Variants in CNTLN observed in about 807,000 individuals in gnomAD.
The protein encoded by CNTLN is centlein.
Under a neutral mutation model 180.0 loss-of-function variants are expected in CNTLN, and 212 were observed. The ratio of observed to expected loss-of-function variants is 1.18; its 90% CI spans 1.05 to 1.32. The LOEUF is 1.32. Among genes scored for constraint, CNTLN ranks in the 40% most tolerant of loss-of-function variants. CNTLN has a pLI of 0.00. For synonymous variants in CNTLN, 722 were observed against 563.1 expected (o/e 1.28, Z -3.99); for missense variants, 2,095 against 1,610.9 (o/e 1.30, Z -5.14).
At chr9:17,378,827 A>T (rs535762711) in intron 13 of CNTLN, among the ~76,000 whole-genome samples, 1 of 152,294 alleles carries the variant, frequency 6.6e-6, no homozygotes, top group East Asian at 1.9e-4. Context: ...GGTAGTTCTC[A>T]GTGTTTTTTG....
chr9:17,202,915 A>T (rs1443412849), intron 2 of CNTLN, among the ~76,000 whole-genome samples: 3 of 152,052 alleles, frequency 2.0e-5, no homozygotes, highest in Non-Finnish European at 4.4e-5. Context: ...TAGGTGATGC[A>T]GTTTCTTCAT....
Position 17,324,004 on chromosome 9 carries a change from T to A in CNTLN, c.1342-6628T>A, listed in dbSNP as rs190299196. Among the ~76,000 whole-genome samples, 10 of 152,340 alleles carry A rather than the reference T, an allele frequency of 6.6e-5. No individual in the cohort carries two copies. The East Asian group carries it at 7.7e-4, about 12-fold the overall frequency. On this transcript the variant is annotated intron_variant, in intron 8 of 25. Coordinates refer to ENST00000380647, the MANE Select transcript of CNTLN (RefSeq NM_017738.4). The stretch of plus-strand genomic sequence containing the variant: ...TTGTCAGTTTTTAATAATTACAGGC[T>A]ATTATGGAATGCATAGTTAGCAGAT...
intron 10 of CNTLN, among the ~76,000 whole-genome samples, chr9:17,337,919 CA>C (rs1400567608): frequency 6.6e-6 from 1 of 152,046 alleles, no homozygotes; most frequent in Admixed American, 6.6e-5. Context: ...AGTCATTCCC[CA>C]AACAGTTTAT....
At chr9:17,346,107 C>T (rs918953690) in intron 12 of CNTLN, among the ~76,000 whole-genome samples, 1 of 152,048 alleles carries the variant, frequency 6.6e-6, no homozygotes, top group Non-Finnish European at 1.5e-5. Flanking sequence ...GCTGGGGAGG[C>T]CTCAGGAAAC....
At chr9:17,332,549 T>C in intron 9 of CNTLN, 56 bp from the exon 10 acceptor site, 5 of 1,514,944 alleles carry the variant, frequency 3.3e-6, no homozygotes, top group Non-Finnish European at 4.4e-6. Flanking sequence ...ATTTTGCATG[T>C]CTTTCATAAT....
intron 5 of CNTLN, among the ~76,000 whole-genome samples, chr9:17,252,159 C>A (rs1244304319): frequency 6.6e-6 from 1 of 151,756 alleles, no homozygotes; most frequent in African/African-American, 2.4e-5. Context: ...TAGGTTGATG[C>A]CATATCTTTG....
At chr9:17,405,611 A>C (rs996729369) in intron 15 of CNTLN, among the ~76,000 whole-genome samples, 2 of 151,508 alleles carry the variant, frequency 1.3e-5, no homozygotes, top group Non-Finnish European at 2.9e-5. Context: ...ACCTCCCAAC[A>C]CTGTTGCACT....
chr9:17,211,782 G>C (rs954732016), intron 2 of CNTLN, among the ~76,000 whole-genome samples: 1 of 152,150 alleles, frequency 6.6e-6, no homozygotes, highest in African/African-American at 2.4e-5. Flanking sequence ...TCCCTTGTAA[G>C]TTGGATTCCT....
chr9:17,485,946 A>G (rs1331838687), intron 24 of CNTLN, among the ~76,000 whole-genome samples: 2 of 152,148 alleles, frequency 1.3e-5, no homozygotes, highest in Non-Finnish European at 2.9e-5. Context: ...ATGTCTGTGA[A>G]TAAGTGACAC....
At chr9:17,482,243 A>C (rs941811432) in intron 23 of CNTLN, among the ~76,000 whole-genome samples, 1 of 152,202 alleles carries the variant, frequency 6.6e-6, no homozygotes, top group Admixed American at 6.5e-5. Context: ...ATAAGAAAGG[A>C]AAAGTAAATT....
intron 18 of CNTLN, among the ~76,000 whole-genome samples, chr9:17,456,477 A>G (rs1251377442): frequency 1.3e-5 from 2 of 152,186 alleles, no homozygotes; most frequent in African/African-American, 4.8e-5. Context: ...ATATTTAATA[A>G]TATGCACTTA....
chr9:17,279,907 G>A lies in CNTLN; in HGVS notation c.983+6041G>A, dbSNP rs148824275. On this transcript the variant is annotated intron_variant, in intron 6 of 25. Coordinates refer to ENST00000380647, the MANE Select transcript of CNTLN (RefSeq NM_017738.4). ...ACTCAGGTATTAATGGGTTATTATGGGAATGCGACTGTTGGCCTTATAAGA... is the reference window on the plus strand; with the variant it reads ...ACTCAGGTATTAATGGGTTATTATGAGAATGCGACTGTTGGCCTTATAAGA... 3.6e-3 allele frequency among the ~76,000 whole-genome samples: 534 copies of A among 150,010 alleles called. 1 individual carries two copies. Among genetic ancestry groups the A allele is most frequent in the African/African-American group, 0.012 (474 of 40,592 alleles).
chr9:17,457,006 T>G (rs751589734), intron 18 of CNTLN, among the ~76,000 whole-genome samples: 9 of 152,214 alleles, frequency 5.9e-5, no homozygotes, highest in Non-Finnish European at 1.2e-4. Flanking sequence ...CGAGTTTGTT[T>G]GCACGCTATT....
At chr9:17,281,173 T>C (rs1269407196) in intron 6 of CNTLN, among the ~76,000 whole-genome samples, 1 of 152,212 alleles carries the variant, frequency 6.6e-6, no homozygotes, top group Non-Finnish European at 1.5e-5. Context: ...ATGTTACTCC[T>C]ACTGAGAGGT....
the CNTLN span, among the ~76,000 whole-genome samples, chr9:17,518,614 C>G: frequency 6.6e-6 from 1 of 152,130 alleles, no homozygotes; most frequent in Admixed American, 6.5e-5. Flanking sequence ...ATATTTATGT[C>G]AGCTCTCCCT....
chr9:17,160,741 A>G (rs1387447968), intron 2 of CNTLN, among the ~76,000 whole-genome samples: 19 of 152,228 alleles, frequency 1.2e-4, no homozygotes, highest in Admixed American at 1.2e-3. Context: ...TGAAAATTCT[A>G]GGACTTTCTT....
intron 18 of CNTLN, among the ~76,000 whole-genome samples, chr9:17,449,605 T>C (rs1830671587): frequency 6.6e-6 from 1 of 152,194 alleles, no homozygotes; most frequent in African/African-American, 2.4e-5. Context: ...TAGACAAATG[T>C]TTATTTTTCC....
intron 7 of CNTLN, chr9:17,301,142 A>G (rs1818315922): frequency 1.0e-6 from 1 of 985,270 alleles, no homozygotes; most frequent in Non-Finnish European, 1.2e-6. Context: ...AAAGAGACAA[A>G]TTAATTTCTG....
At chr9:17,467,691 A>G (rs1831829778) in intron 23 of CNTLN, among the ~76,000 whole-genome samples, 1 of 151,696 alleles carries the variant, frequency 6.6e-6, no homozygotes. Flanking sequence ...TACCTTTTCC[A>G]GATTCAAAAC....
Sources: gnomAD v4.1 joint callset for allele counts (sites outside exome capture counted in the v4.1 genomes callset) on GRCh38, gnomAD v4.1.1 for gene constraint, MANE v1.5 for transcripts, NCBI Gene and HGNC (gene_info 2026-07-23, HGNC 2026-07-21) for gene names.